PTPRQ: variants seen among roughly 807,000 people sequenced by gnomAD.
The protein encoded by PTPRQ is protein tyrosine phosphatase receptor type Q, also known as phosphatidylinositol phosphatase PTPRQ.
A neutral mutation model predicts 246.0 loss-of-function variants in PTPRQ; 199 were observed. The observed-to-expected ratio is 0.81, with a 90% CI of 0.72 to 0.91. The LOEUF (loss-of-function observed/expected upper bound fraction) is 0.91. PTPRQ is among the 40% of genes least tolerant of loss of function. The pLI is 0.00. For synonymous variants in PTPRQ, 869 were observed against 853.2 expected (o/e 1.02, Z -0.32); for missense variants, 2,624 against 2,528.4 (o/e 1.04, Z -0.81).
intron 25 of PTPRQ, chr12:80,586,538 A>T (rs1043202538): frequency 1.3e-5 from 2 of 152,040 alleles, no homozygotes; most frequent in African/African-American, 4.8e-5. Flanking sequence ...CAGCCATCCC[A>T]TTACTGGGTA....
intron 3 of PTPRQ, among the ~76,000 whole-genome samples, chr12:80,454,216 G>A (rs573025094): frequency 2.3e-4 from 35 of 149,086 alleles, no homozygotes; most frequent in African/African-American, 5.4e-4. Flanking sequence ...TTTTAAGCCC[G>A]TCGGAAAAGC....
At chr12:80,536,729 T>G (rs1178028810) in intron 19 of PTPRQ, among the ~76,000 whole-genome samples, 1 of 152,198 alleles carries the variant, frequency 6.6e-6, no homozygotes, top group East Asian at 1.9e-4. Context: ...GGAAGAGAAA[T>G]GGGGCCTAGA....
chr12:80,564,964 T>A (rs1315708918), intron 25 of PTPRQ, among the ~76,000 whole-genome samples: 1 of 152,208 alleles, frequency 6.6e-6, no homozygotes, highest in Non-Finnish European at 1.5e-5. Context: ...ATATACATAC[T>A]TTTGTCCAAA....
At chr12:80,493,602 T>A in intron 10 of PTPRQ, 147 bp downstream of exon 10, 2 of 1,237,658 alleles carry the variant, frequency 1.6e-6, no homozygotes, top group Non-Finnish European at 2.1e-6. Flanking sequence ...GAAAACCTCA[T>A]GCAACAAATG....
At chr12:80,664,437 C>T (rs894678503) in intron 39 of PTPRQ, among the ~76,000 whole-genome samples, 8 of 151,936 alleles carry the variant, frequency 5.3e-5, no homozygotes, top group Admixed American at 2.6e-4. Flanking sequence ...AACAGCCAAC[C>T]CTCTCACTTG....
At chr12:80,532,815 T>G in intron 17 of PTPRQ, among the ~76,000 whole-genome samples, 1 of 152,222 alleles carries the variant, frequency 6.6e-6, no homozygotes, top group East Asian at 1.9e-4. Flanking sequence ...ATCCATATTT[T>G]TCTCACTGTG....
chr12:80,555,078 C>A (rs1166347900), intron 25 of PTPRQ, among the ~76,000 whole-genome samples: 3 of 152,100 alleles, frequency 2.0e-5, no homozygotes, highest in African/African-American at 7.2e-5. Flanking sequence ...CCACACCTGG[C>A]TAATTTTTGT....
rs752521848 is a variant in PTPRQ, at chr12:80,679,044, A to T, written c.*21A>T. The T allele has an allele frequency of 1.6e-4, 240 of 1,540,894 alleles. No homozygotes were observed. Among genetic ancestry groups the T allele is most frequent in the Non-Finnish European group, 2.0e-4 (225 of 1,142,670 alleles). ...TGTAAATATTCAGACCAAAGGATAC[A>T]ATTGGAAGAGATTTTTAAATCCCAG... On this transcript the variant is annotated 3_prime_UTR_variant, in exon 45 of 45. Coordinates refer to ENST00000644991, the MANE Select transcript of PTPRQ (RefSeq NM_001145026.2).
chr12:80,539,879 C>A lies in PTPRQ; in HGVS notation c.3089C>A (p.Ala1030Glu). 1.9e-6 allele frequency: 3 copies of A among 1,549,056 alleles called. No individual in the cohort carries two copies. The highest frequency in any genetic ancestry group is 2.4e-5 in the South Asian group (2 of 83,750). Reference protein sequence around the residue: ...IFSYYTFWLTASTSVGNGNKS... With the variant: ...IFSYYTFWLTESTSVGNGNKS... ...AGCTACTATACATTTTGGTTAACAG[C>A]AAGTACTTCAGTTGGAAATGGGAAT... Residue 1030 changes from alanine to glutamate, a missense_variant, in exon 20 of 45, where the codon GCA becomes GAA. Coordinates refer to ENST00000644991, the MANE Select transcript of PTPRQ (RefSeq NM_001145026.2).
rs1444666028 is a variant in PTPRQ, at chr12:80,457,564, G to T, written c.391-11G>T. ...AAAATGTTTGAACACAATCCTTTTGGTCTGTTCTAGGTTGCTGCTGAAAAC... is the reference window on the plus strand; with the variant it reads ...AAAATGTTTGAACACAATCCTTTTGTTCTGTTCTAGGTTGCTGCTGAAAAC... On this transcript the variant is annotated splice_polypyrimidine_tract_variant and intron_variant, in intron 3 of 44. Coordinates refer to ENST00000644991, the MANE Select transcript of PTPRQ (RefSeq NM_001145026.2). 5.0e-6 allele frequency: 2 copies of T among 399,860 alleles called. No homozygotes were observed. The highest frequency in any genetic ancestry group is 4.1e-5 in the African/African-American group (2 of 48,598). The allele number at this position is 399,860 out of a possible 1,614,324, so 24.8% of individuals were successfully genotyped here.
chr12:80,668,934 A>G (rs990332374), intron 39 of PTPRQ, 73 bp from the exon 40 acceptor site: 21 of 1,451,442 alleles, frequency 1.4e-5, no homozygotes, highest in Admixed American at 2.7e-5. Flanking sequence ...CATATGTTTC[A>G]TGCATTGATC....
chr12:80,458,818 A>G (rs1335528126), intron 4 of PTPRQ, among the ~76,000 whole-genome samples: 5 of 152,242 alleles, frequency 3.3e-5, no homozygotes, highest in African/African-American at 1.2e-4. Flanking sequence ...AAAATGTAAA[A>G]TACAATAATT....
At chr12:80,649,792 T>C in intron 37 of PTPRQ, 123 bp downstream of exon 37, 1 of 1,332,598 alleles carries the variant, frequency 7.5e-7, no homozygotes, top group Non-Finnish European at 9.9e-7. Flanking sequence ...AATACCCAAT[T>C]ACCAGGTTGA....
rs918660644 is a variant in PTPRQ, at chr12:80,493,322, A to G, written c.1407A>G (p.Pro469=). Residue 469 remains proline (P), a synonymous_variant, in exon 10 of 45, where the codon CCA becomes CCG. Coordinates refer to ENST00000644991, the MANE Select transcript of PTPRQ (RefSeq NM_001145026.2). The stretch of plus-strand genomic sequence containing the variant: ...CAGAAATTGTGAACATAGTAGAGCC[A>G]ATGGTAGGATTATATGAGGGTTCAG... The part of the protein sequence containing the change: ...MAPEIVNIVE[P]MVGLYEGSAE... The G allele has an allele frequency of 1.9e-6, 3 of 1,548,640 alleles. No individual in the cohort carries two copies. The highest frequency in any genetic ancestry group is 3.9e-5 in the Admixed American group (2 of 50,774).
Position 80,669,399 on chromosome 12 carries a change from G to A in PTPRQ, c.6388G>A (p.Val2130Met). Residue 2130 changes from valine (V) to methionine (M), a missense_variant, in exon 41 of 45, where the codon GTG (valine) becomes ATG (methionine). Physicochemically the swap from Val to Met is conservative, Grantham distance 21. Transcript: ENST00000644991. ...NKPVTVFGDI[V>M]ITKLMEDVQI... ...GCCAGTTACTGTCTTTGGAGATATAGTGATTACAAAGCTAATGGAGGATGT... is the reference window on the plus strand; with the variant it reads ...GCCAGTTACTGTCTTTGGAGATATAATGATTACAAAGCTAATGGAGGATGT... The A allele has an allele frequency of 6.5e-7, 1 of 1,549,312 alleles. No individual in the cohort carries two copies.
rs1472954363 is a variant in PTPRQ, at chr12:80,554,800, T to C, written c.4285+5066T>C. Among the ~76,000 whole-genome samples, 3 of 152,338 alleles carry C rather than the reference T, an allele frequency of 2.0e-5. No homozygotes were observed. In the East Asian group the frequency reaches 5.8e-4, roughly 29 times the overall value. Reference sequence around the variant, plus strand: ...CTATGTCACCGAGGCTGGAGTGCAGTGGCTTTATCTCAGCTCACTGTAGCC... The same window carrying C: ...CTATGTCACCGAGGCTGGAGTGCAGCGGCTTTATCTCAGCTCACTGTAGCC... On this transcript the variant is annotated intron_variant, in intron 25 of 44. Coordinates refer to ENST00000644991, the MANE Select transcript of PTPRQ (RefSeq NM_001145026.2).
Position 80,542,733 on chromosome 12 carries a change from C to T in PTPRQ, c.3725C>T (p.Pro1242Leu), listed in dbSNP as rs774339052. The change falls in exon 23 of 45, where the codon CCG (proline) becomes CTG (leucine). Residue 1242 changes from proline to leucine, a missense_variant. Pro to Leu is a moderately conservative substitution (Grantham distance 98, BLOSUM62 -3). Transcript: ENST00000644991. Reference sequence around the variant, plus strand: ...TTCTTCATGTGTTTTCCTACAGTGCCGTTAGCACCTCCACAAAATTTGACT... The same window carrying T: ...TTCTTCATGTGTTTTCCTACAGTGCTGTTAGCACCTCCACAAAATTTGACT... ...ILFFYTDESV[P>L]LAPPQNLTLI... 8.4e-6 allele frequency: 13 copies of T among 1,541,278 alleles called. No homozygotes were observed. Among genetic ancestry groups the T allele is most frequent in the African/African-American group, 5.5e-5 (4 of 72,312 alleles).
At chr12:80,469,281 T>C (rs1893548367) in intron 7 of PTPRQ, among the ~76,000 whole-genome samples, 4 of 152,300 alleles carry the variant, frequency 2.6e-5, no homozygotes, top group Admixed American at 1.3e-4. Context: ...TCTTCTGCTC[T>C]ATTTTGCTGT....
At chr12:80,485,589 C>A (rs753539952) in intron 9 of PTPRQ, among the ~76,000 whole-genome samples, 1 of 152,146 alleles carries the variant, frequency 6.6e-6, no homozygotes, top group African/African-American at 2.4e-5. Flanking sequence ...TCTGGCCACC[C>A]AGGACTTATC....
Sources: gnomAD v4.1 joint callset for allele counts (sites outside exome capture counted in the v4.1 genomes callset) on GRCh38, gnomAD v4.1.1 for gene constraint, MANE v1.5 for transcripts, NCBI Gene and HGNC (gene_info 2026-07-23, HGNC 2026-07-21) for gene names.